The following ARHGAP31 variants were observed in gnomAD, a reference collection of about 807,000 sequenced individuals.
ARHGAP31 encodes Rho GTPase activating protein 31.
A neutral mutation model predicts 113.9 loss-of-function variants in ARHGAP31; 34 were observed. The ratio of observed to expected loss-of-function variants is 0.30; its 90% CI spans 0.23 to 0.40. The LOEUF (loss-of-function observed/expected upper bound fraction) is 0.40, where lower values mean the gene tolerates loss of function less well. ARHGAP31 is among the 10% of genes least tolerant of loss of function. The probability of loss-of-function intolerance (pLI) is 1.00; values close to 1 mark genes in which losing one functional copy is unlikely to be tolerated. For synonymous variants in ARHGAP31, 650 were observed against 684.8 expected (o/e 0.95, Z 0.79); for missense variants, 1,548 against 1,767.1 (o/e 0.88, Z 2.22).
intron 1 of ARHGAP31, among the ~76,000 whole-genome samples, chr3:119,338,583 A>G (rs2079979502): frequency 6.6e-6 from 1 of 152,244 alleles, no homozygotes; most frequent in South Asian, 2.1e-4. Flanking sequence ...ATTTTAGTTC[A>G]TACGTGACAT....
At chr3:119,379,137 G>T (rs1317883412) in intron 3 of ARHGAP31, among the ~76,000 whole-genome samples, 1 of 152,260 alleles carries the variant, frequency 6.6e-6, no homozygotes, top group African/African-American at 2.4e-5. Context: ...CTGGCCTGCT[G>T]TCTCACACCT....
chr3:119,352,834 CCAGA>C (rs1392083151), intron 1 of ARHGAP31, among the ~76,000 whole-genome samples: 1 of 152,134 alleles, frequency 6.6e-6, no homozygotes, highest in Non-Finnish European at 1.5e-5. Context: ...TGCAATCTTC[CCAGA>C]CAGTCAGTAA....
intron 7 of ARHGAP31, 138 bp downstream of exon 7, chr3:119,391,121 AG>A (rs1483008264): frequency 1.1e-6 from 1 of 943,750 alleles, no homozygotes; most frequent in East Asian, 2.6e-5. Context: ...GAAACATTCC[AG>A]AAGAGAAGGG....
chr3:119,360,487 G>A lies in ARHGAP31; in HGVS notation c.101-4829G>A, dbSNP rs183449951. ...AATCTCTGTCTCCAGGTCTGATCAG[G>A]TCCCAGGCACACAGGGAACTGAGGC... On this transcript the variant is annotated intron_variant, in intron 1 of 11. Coordinates refer to ENST00000264245, the MANE Select transcript of ARHGAP31 (RefSeq NM_020754.4). Among the ~76,000 whole-genome samples, 19 of 152,290 alleles carry A rather than the reference G, an allele frequency of 1.2e-4. No individual in the cohort carries two copies. In the East Asian group the frequency reaches 3.1e-3, roughly 25 times the overall value.
chr3:119,416,827 C>T lies in ARHGAP31; in HGVS notation c.*563C>T, dbSNP rs2080783548. ...TGCAAACTAACGTGCACTTAGATAT[C>T]CAAGTGGGTGAGCTTAGCCACTCTT... On this transcript the variant is annotated 3_prime_UTR_variant, in exon 12 of 12. Transcript: ENST00000264245. 5.8e-6 allele frequency: 1 copy of T among 172,630 alleles called. No individual in the cohort carries two copies. Among genetic ancestry groups the T allele is most frequent in the South Asian group, 1.4e-4 (1 of 7,342 alleles). The allele number at this position is 172,630 out of a possible 1,614,324, so 10.7% of individuals were successfully genotyped here.
At chr3:119,295,767 T>A in intron 1 of ARHGAP31, among the ~76,000 whole-genome samples, 1 of 150,228 alleles carries the variant, frequency 6.7e-6, no homozygotes, top group Non-Finnish European at 1.5e-5. Flanking sequence ...TAGGGGGGAG[T>A]TGGGGATGGG....
chr3:119,330,271 G>C (rs1478686274), intron 1 of ARHGAP31, among the ~76,000 whole-genome samples: 1 of 152,222 alleles, frequency 6.6e-6, no homozygotes, highest in Non-Finnish European at 1.5e-5. Context: ...CCAAGCTGCA[G>C]AGGATGGCAT....
At chr3:119,375,824 C>T (rs1577018347) in intron 3 of ARHGAP31, among the ~76,000 whole-genome samples, 1 of 151,946 alleles carries the variant, frequency 6.6e-6, no homozygotes, top group South Asian at 2.1e-4. Flanking sequence ...TTAGTTTATA[C>T]TGAAATAGTA....
intron 1 of ARHGAP31, among the ~76,000 whole-genome samples, chr3:119,325,665 G>C (rs1169994560): frequency 8.9e-6 from 1 of 111,874 alleles, no homozygotes; most frequent in Non-Finnish European, 1.9e-5. Flanking sequence ...GGTTGGGGGG[G>C]AAGGGGGGGA....
chr3:119,299,419 C>A (rs577395014), intron 1 of ARHGAP31, among the ~76,000 whole-genome samples: 2 of 152,288 alleles, frequency 1.3e-5, no homozygotes, highest in East Asian at 3.9e-4. Flanking sequence ...TATGACATAT[C>A]TTTCATATAT....
intron 10 of ARHGAP31, among the ~76,000 whole-genome samples, chr3:119,404,150 G>C (rs1279049393): frequency 3.9e-5 from 6 of 152,196 alleles, no homozygotes; most frequent in Admixed American, 6.5e-5. Context: ...AGGGATAGGG[G>C]AGGGAGTGAA....
At chr3:119,393,083 T>G (rs1032534885) in intron 7 of ARHGAP31, among the ~76,000 whole-genome samples, 3 of 152,178 alleles carry the variant, frequency 2.0e-5, no homozygotes, top group African/African-American at 7.2e-5. Flanking sequence ...TCTCTATAAA[T>G]GAATAAAATG....
At chr3:119,356,961 A>T (rs1393133434) in intron 1 of ARHGAP31, among the ~76,000 whole-genome samples, 1 of 152,230 alleles carries the variant, frequency 6.6e-6, no homozygotes, top group Admixed American at 6.5e-5. Context: ...ATTTTAACAG[A>T]TATTGTCAAA....
intron 1 of ARHGAP31, among the ~76,000 whole-genome samples, chr3:119,354,010 G>A (rs1577008831): frequency 6.6e-6 from 1 of 152,192 alleles, no homozygotes; most frequent in East Asian, 1.9e-4. Context: ...GCAGGGATAA[G>A]TCACAGAGTG....
intron 1 of ARHGAP31, among the ~76,000 whole-genome samples, chr3:119,364,395 G>A (rs1368307071): frequency 6.6e-6 from 1 of 151,948 alleles, no homozygotes; most frequent in Non-Finnish European, 1.5e-5. Context: ...ATTTGTTGAA[G>A]ATTTTTTCTT....
At chr3:119,295,621 C>T (rs986071919) in intron 1 of ARHGAP31, among the ~76,000 whole-genome samples, 2 of 152,098 alleles carry the variant, frequency 1.3e-5, no homozygotes, top group African/African-American at 4.8e-5. Flanking sequence ...CTTTTCCCTC[C>T]TCTTGGCTTT....
At chr3:119,349,131 A>G (rs1304600385) in intron 1 of ARHGAP31, among the ~76,000 whole-genome samples, 1 of 152,180 alleles carries the variant, frequency 6.6e-6, no homozygotes, top group African/African-American at 2.4e-5. Context: ...TATAAAGGTA[A>G]AAGTGTAGTC....
chr3:119,362,628 CA>C (rs1348098091), intron 1 of ARHGAP31, among the ~76,000 whole-genome samples: 1 of 151,966 alleles, frequency 6.6e-6, no homozygotes, highest in Admixed American at 6.6e-5. Flanking sequence ...ATTAGCTGGG[CA>C]TGGTGGCAGG....
intron 1 of ARHGAP31, among the ~76,000 whole-genome samples, chr3:119,338,757 A>G (rs2079981059): frequency 6.6e-6 from 1 of 152,236 alleles, no homozygotes; most frequent in Non-Finnish European, 1.5e-5. Flanking sequence ...GATTGCTGTT[A>G]TTGCATTATA....
Sources: allele counts gnomAD v4.1 joint callset (sites outside exome capture counted in the v4.1 genomes callset), GRCh38; gene constraint gnomAD v4.1.1; transcripts MANE v1.5; gene names NCBI Gene and HGNC (gene_info 2026-07-23, HGNC 2026-07-21).